The following TTLL8 variants were observed in gnomAD, a reference collection of about 807,000 sequenced individuals.
The protein encoded by TTLL8 is tubulin tyrosine ligase like 8.
Under a neutral mutation model 77.8 loss-of-function variants are expected in TTLL8, and 65 were observed. The observed-to-expected ratio is 0.84, with a 90% confidence interval of 0.68 to 1.03. The LOEUF is 1.03. TTLL8 is among the 50% of genes least tolerant of loss of function. The probability of loss-of-function intolerance (pLI) is 0.00; values close to 1 mark genes in which losing one functional copy is unlikely to be tolerated. For synonymous variants in TTLL8, 402 were observed against 422.8 expected, an observed-to-expected ratio of 0.95 and a Z score of 0.60; for missense variants, 910 against 1,004.5, an observed-to-expected ratio of 0.91 and a Z score of 1.27.
In TTLL8 at chr22:50,045,642, C is replaced by T. The variant is rs903127983; in HGVS notation, c.508+214G>A. ...TGCCCCAGCTGCTCGCCGCGCTGTC[C>T]ACAAGCCTAGCACAGAACCACACAC... On this transcript the variant is annotated intron_variant, in intron 5 of 13. Transcript: ENST00000266182. 5 of 649,462 alleles carry T rather than the reference C, an allele frequency of 7.7e-6. No homozygotes were observed. In the Admixed American group the frequency reaches 1.9e-4, roughly 25 times the overall value. 40.2% of individuals were successfully genotyped at this position (649,462 alleles called of 1,614,324 possible).
In TTLL8 at chr22:50,034,407, C is replaced by T. The variant is rs759609439; in HGVS notation, c.977G>A (p.Gly326Glu). The stretch of plus-strand genomic sequence containing the variant: ...CTTTATAATCCAGATGTTCCGGAGC[C>T]CGTCAATGTCCGTCTGAGGGTTCAC... The change falls in exon 9 of 14, where the codon GGG (glycine) becomes GAG (glutamate). Residue 326 changes from glycine (G) to glutamate (E), a missense_variant. By Grantham distance (98) the Gly-to-Glu change is moderately conservative. Around this residue, in one of 2 missense-constraint regions of TTLL8, gnomAD observed 776 missense variants for 926.1 expected, o/e 0.84. Transcript: ENST00000266182. This position sits in a 1 kb window ranked among gnomAD's most constrained non-coding sequence, Gnocchi z 4.1. 1.0e-5 allele frequency: 14 copies of T among 1,367,216 alleles called. No homozygotes were observed. In the East Asian group the frequency reaches 5.5e-4, roughly 53 times the overall value. 84.7% of individuals were successfully genotyped at this position (1,367,216 alleles called of 1,614,324 possible). A position where few individuals can be genotyped will look rare whatever the true frequency, so the allele number is the denominator to read the frequency against.
chr22:50,034,200 C>A lies in TTLL8; in HGVS notation c.1039+145G>T. 9.3e-7 allele frequency: 1 copy of A among 1,073,654 alleles called. No individual in the cohort carries two copies. The highest frequency in any genetic ancestry group is 1.6e-5 in the South Asian group (1 of 62,372). The allele number at this position is 1,073,654 out of a possible 1,614,324, so 66.5% of individuals were successfully genotyped here. A position where few individuals can be genotyped will look rare whatever the true frequency, so the allele number is the denominator to read the frequency against. On this transcript the variant is annotated intron_variant, in intron 9 of 13. Coordinates refer to ENST00000266182, the Ensembl canonical transcript of TTLL8. This position sits in a 1 kb window ranked among gnomAD's most constrained non-coding sequence, Gnocchi z 4.1. The stretch of plus-strand genomic sequence containing the variant: ...TCCAGCTCTGCTCCAGCGCCTGAGT[C>A]CTGACCCCCACGCCTGCCTCGGCGT...
rs1020850416 is a variant in TTLL8, at chr22:50,044,004, T to A, written c.643+1251A>T. The stretch of plus-strand genomic sequence containing the variant: ...ACACCATTTGGGTTACCATGATGTG[T>A]CATTGTAGGTTCATCAATTGTGTTA... On this transcript the variant is annotated intron_variant, in intron 6 of 13. Coordinates refer to ENST00000266182, the Ensembl canonical transcript of TTLL8. This position sits in a 1 kb window ranked among gnomAD's most constrained non-coding sequence, Gnocchi z 4.2. Among the ~76,000 whole-genome samples, 5 of 152,140 alleles carry A rather than the reference T, an allele frequency of 3.3e-5. No homozygotes were observed. Among genetic ancestry groups the A allele is most frequent in the Non-Finnish European group, 5.9e-5 (4 of 68,022 alleles).
Position 50,041,919 on chromosome 22 carries a change from G to T in TTLL8, c.644-112C>A. 1.1e-6 allele frequency: 1 copy of T among 945,932 alleles called. No individual in the cohort carries two copies. The highest frequency in any genetic ancestry group is 1.4e-6 in the Non-Finnish European group (1 of 713,234). The allele number at this position is 945,932 out of a possible 1,614,324, so 58.6% of individuals were successfully genotyped here. Reference sequence around the variant, plus strand: ...ACAAAGGCTGCTCCACTCCCTCTGTGCCCCAATACCCAACAAGTATCCCAG... The same window carrying T: ...ACAAAGGCTGCTCCACTCCCTCTGTTCCCCAATACCCAACAAGTATCCCAG... On this transcript the variant is annotated intron_variant, in intron 6 of 13. Transcript: ENST00000266182. This position sits in a 1 kb window ranked among gnomAD's most constrained non-coding sequence, Gnocchi z 4.3.
chr22:50,028,634 C>A lies in TTLL8; in HGVS notation c.2203+1796G>T, dbSNP rs9628273. ...CACCGTCCTGAAGACCCCCACATAC[C>A]CTCGTAAAGACCCCATCACACCATC... On this transcript the variant is annotated intron_variant, in intron 12 of 13. Coordinates refer to ENST00000266182, the Ensembl canonical transcript of TTLL8. 7.3e-3 allele frequency among the ~76,000 whole-genome samples: 572 copies of A among 77,968 alleles called. 2 individuals carry two copies. The highest frequency in any genetic ancestry group is 0.028 in the East Asian group (52 of 1,828). The allele number at this position is 77,968 out of a possible 152,430, so 51.2% of individuals were successfully genotyped here.
chr22:50,030,182 GGGAC>G, intron 12 of TTLL8: 1 of 985,390 alleles, frequency 1.0e-6, no homozygotes, highest in Non-Finnish European at 1.2e-6. Flanking sequence ...TTCTACAGAG[GGGAC>G]CCCACCATCC....
chr22:50,057,502 TCAGGTCTGGGTTGGG>T (rs1456568915), upstream of TTLL8, among the ~76,000 whole-genome samples: 508 of 61,002 alleles, frequency 8.3e-3, no homozygotes, highest in East Asian at 0.019. Flanking sequence ...TGGGTTGGGG[TCAGGTCTGGGTTGGG>T]GGGTCAGGTC....
chr22:50,031,998 G>T lies in TTLL8; in HGVS notation c.1395C>A (p.Tyr465Ter). 7.3e-7 allele frequency: 1 copy of T among 1,366,662 alleles called. No homozygotes were observed. The highest frequency in any genetic ancestry group is 9.8e-7 in the Non-Finnish European group (1 of 1,021,856). The allele number at this position is 1,366,662 out of a possible 1,614,324, so 84.7% of individuals were successfully genotyped here. A position where few individuals can be genotyped will look rare whatever the true frequency, so the allele number is the denominator to read the frequency against. ...CGGCGCCACGGCCCTGGCGCTGCAG[G>T]TACTCCTGGAACCTGGTGCTGGTCC... Residue 465 changes from tyrosine to a stop codon, truncating the protein, a stop_gained, in exon 11 of 14, where the codon TAC becomes TAA. Coordinates refer to ENST00000266182, the Ensembl canonical transcript of TTLL8. LOFTEE classifies it high-confidence loss of function.
In TTLL8 at chr22:50,044,201, C is replaced by T. The variant is rs1412935713; in HGVS notation, c.643+1054G>A. The stretch of plus-strand genomic sequence containing the variant: ...ATTAGCCGGGCGTGGTGGTGGGCAC[C>T]CAACTACTCGGGAGGCTGAGACAGG... On this transcript the variant is annotated intron_variant, in intron 6 of 13. Transcript: ENST00000266182. This position sits in a 1 kb window ranked among gnomAD's most constrained non-coding sequence, Gnocchi z 4.2. Among the ~76,000 whole-genome samples the T allele has an allele frequency of 6.6e-6, 1 of 151,990 alleles. No homozygotes were observed. The highest frequency in any genetic ancestry group is 1.5e-5 in the Non-Finnish European group (1 of 67,984).
chr22:50,036,602 CTT>C (rs763378045), intron 8 of TTLL8, among the ~76,000 whole-genome samples: 34 of 141,108 alleles, frequency 2.4e-4, no homozygotes, highest in Admixed American at 2.9e-4. Flanking sequence ...CTTTTCTTTT[CTT>C]TTTTTTTTTT....
At chr22:50,035,056 G>A (rs1490193166) in intron 8 of TTLL8, among the ~76,000 whole-genome samples, 1 of 152,204 alleles carries the variant, frequency 6.6e-6, no homozygotes, top group East Asian at 1.9e-4. Context: ...AGGAGAGGGT[G>A]GGGAGAGCTG....
Position 50,038,155 on chromosome 22 carries a change from G to A in TTLL8, c.921+3032C>T, listed in dbSNP as rs138484801. Among the ~76,000 whole-genome samples the A allele has an allele frequency of 2.2e-3, 334 of 152,182 alleles. 1 individual carries two copies. The highest frequency in any genetic ancestry group is 6.8e-3 in the Middle Eastern group (2 of 294). On this transcript the variant is annotated intron_variant, in intron 8 of 13. Coordinates refer to ENST00000266182, the Ensembl canonical transcript of TTLL8. ...TAGTGTATTGTGTTTTTAGAATTTC[G>A]TTTCACGATTTGTTGCTAGAACACA...
rs574405946 is a variant in TTLL8, at chr22:50,045,178, A to G, written c.643+77T>C. Reference sequence around the variant, plus strand: ...TGCTGCAACCCTCAGGACTGACCACACCCAGGAGGCGGGAGGGCCCCTGTG... The same window carrying G: ...TGCTGCAACCCTCAGGACTGACCACGCCCAGGAGGCGGGAGGGCCCCTGTG... On this transcript the variant is annotated intron_variant, in intron 6 of 13. Transcript: ENST00000266182. 3.1e-4 allele frequency: 397 copies of G among 1,278,354 alleles called. 8 individuals carry two copies. The South Asian group carries it at 4.5e-3, about 14-fold the overall frequency. 79.2% of individuals were successfully genotyped at this position (1,278,354 alleles called of 1,614,324 possible).
At chr22:50,039,114 T>C (rs935761455) in intron 8 of TTLL8, among the ~76,000 whole-genome samples, 1 of 152,222 alleles carries the variant, frequency 6.6e-6, no homozygotes, top group African/African-American at 2.4e-5. Flanking sequence ...TGGCCTATGA[T>C]TTTTTGTTAT....
intron 8 of TTLL8, among the ~76,000 whole-genome samples, chr22:50,039,422 C>T (rs915474099): frequency 3.3e-5 from 5 of 152,114 alleles, no homozygotes; most frequent in Non-Finnish European, 5.9e-5. Flanking sequence ...GAAGAAGGAA[C>T]ATCCAAGAAA....
Position 50,030,865 on chromosome 22 carries a change from TCA to T in TTLL8, c.1766_1767del (p.Val589GlufsTer?). The T allele has an allele frequency of 7.5e-7, 1 of 1,332,870 alleles. No homozygotes were observed. Among genetic ancestry groups the T allele is most frequent in the Admixed American group, 2.1e-5 (1 of 48,402 alleles). The allele number at this position is 1,332,870 out of a possible 1,614,324, so 82.6% of individuals were successfully genotyped here. On this transcript the variant is annotated frameshift_variant, in exon 12 of 14. Transcript: ENST00000266182. LOFTEE classifies it high-confidence loss of function. ...GGCAGCACCTGCCTCCTGGCTCTCC[TCA>T]CACTGACGCCCGCCACGCAGAGGTC...
chr22:50,050,300 G>T, intron 1 of TTLL8, 53 bp from the exon 4 acceptor site: 1 of 1,274,554 alleles, frequency 7.8e-7, no homozygotes, highest in Non-Finnish European at 1.0e-6. Context: ...TGGGGAATAG[G>T]CAGATTTTGG....
At chr22:50,055,406 C>A, upstream of TTLL8, 1 of 1,108,064 alleles carries the variant, frequency 9.0e-7, no homozygotes. Context: ...GTAATCCCAG[C>A]ACTGTGGGAG....
At chr22:50,055,250 G>A, upstream of TTLL8, 1 of 1,289,408 alleles carries the variant, frequency 7.8e-7, no homozygotes, top group Non-Finnish European at 1.0e-6. Flanking sequence ...TGCTTTTTCT[G>A]TTAACTGCCT....
Sources: gnomAD v4.1 joint callset for allele counts (sites outside exome capture counted in the v4.1 genomes callset) on GRCh38, gnomAD v4.1.1 for gene constraint, gnomAD v4.1.1 regional missense constraint, Gnocchi (gnomAD v3.1) non-coding constraint, MANE v1.5 for transcripts, NCBI Gene and HGNC (gene_info 2026-07-23, HGNC 2026-07-21) for gene names.